The following SMYD3 variants were observed in gnomAD, a reference collection of about 807,000 sequenced individuals.
The protein encoded by SMYD3 is histone-lysine N-methyltransferase SMYD3.
SMYD3 carries 36 observed loss-of-function variants against 57.7 expected under a neutral mutation model. The ratio of observed to expected loss-of-function variants is 0.62; its 90% CI spans 0.48 to 0.82. SMYD3 has a LOEUF of 0.82. SMYD3 is among the 40% of genes least tolerant of loss of function. The pLI, the probability that SMYD3 is intolerant of heterozygous loss-of-function variation, is 0.00. For synonymous variants in SMYD3, 211 were observed against 195.0 expected, an observed-to-expected ratio of 1.08 and a Z score of -0.68; for missense variants, 515 against 538.8, an observed-to-expected ratio of 0.96 and a Z score of 0.44.
At chr1:246,333,952 T>C (rs545586254) in intron 3 of SMYD3, among the ~76,000 whole-genome samples, 9 of 151,498 alleles carry the variant, frequency 5.9e-5, no homozygotes, top group Non-Finnish European at 1.2e-4. Flanking sequence ...AACATACAGG[T>C]GGCCAAAAAA....
intron 5 of SMYD3, among the ~76,000 whole-genome samples, chr1:246,101,876 T>C (rs1435201958): frequency 6.6e-6 from 1 of 152,262 alleles, no homozygotes; most frequent in African/African-American, 2.4e-5. Flanking sequence ...CTACCTTTTA[T>C]GTTTGTTGGT....
At chr1:246,378,812 A>T (rs2066334436) in intron 1 of SMYD3, among the ~76,000 whole-genome samples, 3 of 116,288 alleles carry the variant, frequency 2.6e-5, no homozygotes, top group East Asian at 2.1e-4. Context: ...TATATTATAT[A>T]TAATATATTT....
At chr1:246,170,020 G>T (rs2062301095) in intron 5 of SMYD3, among the ~76,000 whole-genome samples, 1 of 151,990 alleles carries the variant, frequency 6.6e-6, no homozygotes, top group African/African-American at 2.4e-5. Context: ...ACTAGAATGT[G>T]TTACAGTTTA....
intron 1 of SMYD3, among the ~76,000 whole-genome samples, chr1:246,378,018 A>G (rs1279113759): frequency 1.3e-5 from 2 of 152,192 alleles, no homozygotes; most frequent in Admixed American, 6.5e-5. Context: ...GGGTTTGAGC[A>G]TCTTTTCATG....
At chr1:245,962,175 C>T (rs556966276) in intron 5 of SMYD3, among the ~76,000 whole-genome samples, 4 of 152,240 alleles carry the variant, frequency 2.6e-5, no homozygotes, top group African/African-American at 9.6e-5. Context: ...GGAGAAAAAA[C>T]CATTTAAAAA....
intron 5 of SMYD3, among the ~76,000 whole-genome samples, chr1:246,150,128 A>G (rs1024039096): frequency 6.6e-6 from 1 of 152,238 alleles, no homozygotes; most frequent in African/African-American, 2.4e-5. Flanking sequence ...TGCCACTTTA[A>G]TGTGATACTC....
intron 5 of SMYD3, among the ~76,000 whole-genome samples, chr1:246,200,005 A>G (rs2062886093): frequency 6.6e-6 from 1 of 152,074 alleles, no homozygotes; most frequent in African/African-American, 2.4e-5. Context: ...GCCCACTGTA[A>G]TAGAGAAGAT....
chr1:245,865,069 A>C (rs2148497260), intron 8 of SMYD3, among the ~76,000 whole-genome samples: 1 of 152,320 alleles, frequency 6.6e-6, no homozygotes, highest in Admixed American at 6.5e-5. Context: ...GTAGTTGCTT[A>C]CTCAGCACTT....
intron 8 of SMYD3, among the ~76,000 whole-genome samples, chr1:245,894,892 T>C (rs1047708115): frequency 1.3e-5 from 2 of 152,130 alleles, no homozygotes; most frequent in Non-Finnish European, 2.9e-5. Flanking sequence ...CACCACAAAT[T>C]GTGGAGAGAC....
intron 1 of SMYD3, among the ~76,000 whole-genome samples, chr1:246,364,121 C>T (rs1365321315): frequency 2.2e-4 from 34 of 151,338 alleles, no homozygotes; most frequent in Non-Finnish European, 1.5e-5. Context: ...TTCCCTGGAG[C>T]TTCCCAGAGG....
chr1:246,201,055 T>C (rs2062915716), intron 5 of SMYD3, among the ~76,000 whole-genome samples: 2 of 152,224 alleles, frequency 1.3e-5, no homozygotes, highest in South Asian at 4.1e-4. Flanking sequence ...ATCTTTTTCA[T>C]TCAATCAAAA....
chr1:245,762,405 A>G (rs1287194062), intron 11 of SMYD3, among the ~76,000 whole-genome samples: 2 of 152,194 alleles, frequency 1.3e-5, no homozygotes, highest in Non-Finnish European at 2.9e-5. Context: ...GGTGCATCGC[A>G]CATTAGGAAA....
At chr1:246,194,990 G>A (rs1326108867) in intron 5 of SMYD3, among the ~76,000 whole-genome samples, 1 of 152,210 alleles carries the variant, frequency 6.6e-6, no homozygotes, top group Non-Finnish European at 1.5e-5. Flanking sequence ...ACCACTGCCA[G>A]TTTCTACGCT....
chr1:245,837,294 G>C lies in SMYD3; in HGVS notation c.1076+21202C>G, dbSNP rs113199515. Among the ~76,000 whole-genome samples the C allele has an allele frequency of 9.2e-5, 14 of 152,048 alleles. 2 individuals are homozygous for C. Among genetic ancestry groups the C allele is most frequent in the African/African-American group, 3.4e-4 (14 of 41,516 alleles). ...AGAGGAAGAAGATGAAGAAGAGATGGCAGCCACAGCTGGGAGACGGGTCCT... is the reference window on the plus strand; with the variant it reads ...AGAGGAAGAAGATGAAGAAGAGATGCCAGCCACAGCTGGGAGACGGGTCCT... On this transcript the variant is annotated intron_variant, in intron 10 of 11. Transcript: ENST00000490107.
chr1:246,365,493 TAAAAAAAA>T (rs10542908), intron 1 of SMYD3, among the ~76,000 whole-genome samples: 1 of 90,504 alleles, frequency 1.1e-5, no homozygotes. Context: ...AGACCCTGTC[TAAAAAAAA>T]AAAAAAAAAA....
chr1:245,817,776 C>T (rs1462686224), intron 10 of SMYD3, among the ~76,000 whole-genome samples: 1 of 152,020 alleles, frequency 6.6e-6, no homozygotes, highest in African/African-American at 2.4e-5. Context: ...CCGATGTGAT[C>T]AACTGGAAGA....
chr1:246,225,637 A>G (rs2063320667), intron 5 of SMYD3, among the ~76,000 whole-genome samples: 1 of 152,166 alleles, frequency 6.6e-6, no homozygotes, highest in Non-Finnish European at 1.5e-5. Flanking sequence ...TCTCTGGAGC[A>G]TCTGTAATCA....
intron 10 of SMYD3, among the ~76,000 whole-genome samples, chr1:245,814,614 T>C (rs1173004125): frequency 6.6e-6 from 1 of 152,180 alleles, no homozygotes. Context: ...TTCTGTGCCA[T>C]GTGACTGGCA....
At chr1:246,345,160 A>G (rs980930976) in intron 2 of SMYD3, among the ~76,000 whole-genome samples, 3 of 152,190 alleles carry the variant, frequency 2.0e-5, no homozygotes, top group South Asian at 2.1e-4. Context: ...CCCCATATCC[A>G]AAGAGTTTCT....
Sources: allele counts gnomAD v4.1 joint callset (sites outside exome capture counted in the v4.1 genomes callset), GRCh38; gene constraint gnomAD v4.1.1; transcripts MANE v1.5; gene names NCBI Gene and HGNC (gene_info 2026-07-23, HGNC 2026-07-21).